The following VSTM5 variants were observed in gnomAD, a reference collection of about 807,000 sequenced individuals.
The protein encoded by VSTM5 is V-set and transmembrane domain-containing protein 5.
A neutral mutation model predicts 20.3 loss-of-function variants in VSTM5; 21 were observed. The ratio of observed to expected loss-of-function variants is 1.03; its 90% CI spans 0.73 to 1.49. The LOEUF (loss-of-function observed/expected upper bound fraction) is 1.49. Among genes scored for constraint, VSTM5 ranks in the 40% most tolerant of loss-of-function variants. VSTM5 has a pLI of 0.00. For synonymous variants in VSTM5, 100 were observed against 102.5 expected (o/e 0.98, Z 0.14); for missense variants, 219 against 250.0 (o/e 0.88, Z 0.84).
chr11:93,848,484 T>A (rs1553602), intron 1 of VSTM5, among the ~76,000 whole-genome samples: 25,193 of 152,190 alleles, frequency 0.17, 2,498 homozygotes, highest in African/African-American at 0.28. Context: ...AGGTTTTGCA[T>A]GTGCCATTTT....
intron 1 of VSTM5, 100 bp downstream of exon 1, chr11:93,850,312 G>T: frequency 9.6e-7 from 1 of 1,039,030 alleles, no homozygotes; most frequent in Non-Finnish European, 1.4e-6. Context: ...GGACAAGGTG[G>T]GCGAGGGCCA....
intron 1 of VSTM5, among the ~76,000 whole-genome samples, chr11:93,823,199 CTTTTCT>C (rs1565299123): frequency 3.2e-5 from 2 of 61,666 alleles, no homozygotes; most frequent in Admixed American, 5.4e-4. Flanking sequence ...CCTCTTTTTC[CTTTTCT>C]TTTTTTTTTT....
At chr11:93,825,902 A>T (rs1944229985) in intron 1 of VSTM5, among the ~76,000 whole-genome samples, 3 of 151,754 alleles carry the variant, frequency 2.0e-5, no homozygotes, top group African/African-American at 7.3e-5. Context: ...CTAGAAAAAT[A>T]ATAGAAAAGA....
intron 1 of VSTM5, among the ~76,000 whole-genome samples, chr11:93,850,009 C>A (rs529154432): frequency 6.6e-6 from 1 of 152,216 alleles, no homozygotes; most frequent in Admixed American, 6.5e-5. Flanking sequence ...TAGGGGGCGG[C>A]GCACGGACTG....
chr11:93,838,602 G>T (rs1226211565), intron 1 of VSTM5, among the ~76,000 whole-genome samples: 2 of 142,228 alleles, frequency 1.4e-5, no homozygotes, highest in Admixed American at 1.4e-4. Flanking sequence ...GACCAGTCTT[G>T]CCAACATGGT....
intron 1 of VSTM5, among the ~76,000 whole-genome samples, chr11:93,843,312 C>G (rs942671627): frequency 1.8e-4 from 27 of 152,146 alleles, no homozygotes; most frequent in African/African-American, 6.5e-4. Context: ...ACACTTATCC[C>G]TCTCTGTTGT....
intron 1 of VSTM5, among the ~76,000 whole-genome samples, chr11:93,828,346 A>C (rs1458596502): frequency 1.3e-5 from 2 of 152,228 alleles, no homozygotes; most frequent in Non-Finnish European, 2.9e-5. Context: ...GAAAGCTGTC[A>C]AGAGGAAATA....
In VSTM5 at chr11:93,821,130, G is replaced by A. The variant is rs759643166; in HGVS notation, c.285C>T (p.Asp95=). 1.3e-6 allele frequency: 2 copies of A among 1,552,172 alleles called. No homozygotes were observed. Among genetic ancestry groups the A allele is most frequent in the South Asian group, 1.2e-5 (1 of 84,066 alleles). The change falls in exon 2 of 4, where the codon GAC becomes GAT. Residue 95 remains aspartate (D), a synonymous_variant. Transcript: ENST00000409977. ...AGCCGTTGTCAAAGGTGCAGACTCT[G>A]TCCTTGTGGCTTTGAGAGATGTTGG... ...TQANISQSHK[D]RVCTFDNGSI...
intron 1 of VSTM5, among the ~76,000 whole-genome samples, chr11:93,826,924 TA>T (rs1565300066): frequency 6.6e-6 from 1 of 152,194 alleles, no homozygotes; most frequent in Non-Finnish European, 1.5e-5. Context: ...AGTTTCATAT[TA>T]CTGTGGTCAG....
chr11:93,820,554 C>CA lies in VSTM5; in HGVS notation c.*14dup. The CA allele has an allele frequency of 6.4e-7, 1 of 1,551,800 alleles. No individual in the cohort carries two copies. The highest frequency in any genetic ancestry group is 8.7e-7 in the Non-Finnish European group (1 of 1,147,022). ...TTTCCTCTTGAGGTAGGAATGCAGT[C>CA]AGGCCCAGCCTTGGCTAACACTCAA... On this transcript the variant is annotated 3_prime_UTR_variant, in exon 4 of 4. Coordinates refer to ENST00000409977, the MANE Select transcript of VSTM5 (RefSeq NM_001144871.2).
intron 1 of VSTM5, among the ~76,000 whole-genome samples, chr11:93,829,097 C>T (rs1268990392): frequency 6.6e-6 from 1 of 152,218 alleles, no homozygotes; most frequent in Non-Finnish European, 1.5e-5. Context: ...CCGCAGCCCC[C>T]ACCACTTACC....
At chr11:93,830,830 T>C (rs1944277052) in intron 1 of VSTM5, among the ~76,000 whole-genome samples, 1 of 151,872 alleles carries the variant, frequency 6.6e-6, no homozygotes, top group African/African-American at 2.4e-5. Flanking sequence ...CTTGGCTCAC[T>C]GCAACCTCTG....
intron 1 of VSTM5, among the ~76,000 whole-genome samples, chr11:93,842,680 G>T (rs568119968): frequency 6.6e-6 from 1 of 152,182 alleles, no homozygotes; most frequent in Non-Finnish European, 1.5e-5. Flanking sequence ...TAGAAGGTGC[G>T]GTCAGTAAAT....
At chr11:93,830,463 G>A (rs1384539142) in intron 1 of VSTM5, among the ~76,000 whole-genome samples, 3 of 151,646 alleles carry the variant, frequency 2.0e-5, no homozygotes, top group South Asian at 2.1e-4. Context: ...AAGATCGTTC[G>A]TTATAGAGAG....
chr11:93,831,112 T>C (rs1229647481), intron 1 of VSTM5, among the ~76,000 whole-genome samples: 1 of 151,818 alleles, frequency 6.6e-6, no homozygotes, highest in African/African-American at 2.4e-5. Context: ...CAGGCTAGAG[T>C]ACAGTGGCGC....
intron 1 of VSTM5, among the ~76,000 whole-genome samples, chr11:93,824,167 C>G (rs1591396800): frequency 6.6e-6 from 1 of 152,188 alleles, no homozygotes; most frequent in East Asian, 1.9e-4. Context: ...CTCGGTCTCC[C>G]AAAGTGCTGG....
intron 1 of VSTM5, among the ~76,000 whole-genome samples, chr11:93,841,605 G>A (rs1413130710): frequency 6.6e-6 from 1 of 152,176 alleles, no homozygotes; most frequent in Non-Finnish European, 1.5e-5. Context: ...TGACACTGCT[G>A]GTGGTCCCAA....
At chr11:93,829,930 G>T (rs530494687) in intron 1 of VSTM5, among the ~76,000 whole-genome samples, 51 of 152,344 alleles carry the variant, frequency 3.3e-4, no homozygotes, top group African/African-American at 1.2e-3. Context: ...AGCCAGGGAA[G>T]TTTGCAGAAG....
At chr11:93,831,657 G>A (rs57340156) in intron 1 of VSTM5, among the ~76,000 whole-genome samples, 7,022 of 152,206 alleles carry the variant, frequency 0.046, 503 homozygotes, top group African/African-American at 0.16. Flanking sequence ...CCCAAACAAC[G>A]TAAACAGATG....
Sources: allele counts gnomAD v4.1 joint callset (sites outside exome capture counted in the v4.1 genomes callset), GRCh38; gene constraint gnomAD v4.1.1; transcripts MANE v1.5; gene names NCBI Gene and HGNC (gene_info 2026-07-23, HGNC 2026-07-21).